The following SLC52A3 variants were observed in gnomAD, a reference collection of about 807,000 sequenced individuals.
The protein encoded by SLC52A3 is solute carrier family 52 member 3, also known as solute carrier family 52, riboflavin transporter, member 3.
Under a neutral mutation model 29.5 loss-of-function variants are expected in SLC52A3, and 20 were observed. That is an observed-to-expected ratio of 0.68 (90% confidence interval 0.48 to 0.99). The LOEUF (loss-of-function observed/expected upper bound fraction) is 0.99, where lower values mean the gene tolerates loss of function less well. Ranked by LOEUF, SLC52A3 falls within the 50% of genes least tolerant of loss-of-function variation. The pLI is 0.00. For synonymous variants in SLC52A3, 301 were observed against 271.0 expected (o/e 1.11, Z -1.09); for missense variants, 548 against 612.9 (o/e 0.89, Z 1.12).
rs1050160028 is a variant in SLC52A3 at position 765,469 on chromosome 20, G to A, written c.306C>T (p.Gly102=). The A allele has an allele frequency of 1.2e-6, 2 of 1,604,678 alleles. No individual in the cohort carries two copies. The highest frequency in any genetic ancestry group is 1.7e-6 in the Non-Finnish European group (2 of 1,175,584). The change falls in exon 2 of 5, where the codon GGC becomes GGT. Residue 102 remains glycine, a synonymous_variant. Coordinates refer to ENST00000645534, the MANE Select transcript of SLC52A3 (RefSeq NM_033409.4). The surrounding 1 kb of genome is among the most constrained non-coding windows in gnomAD (Gnocchi z 6.6). ...GGACCAAGAAGGCGATGCTGTGGTG[G>A]CCGTCCAGCACCCAGGAGGTCATAT... is the stretch of plus-strand genomic sequence containing the variant. The part of the protein sequence containing the change: ...LWNMTSWVLD[G]HHSIAFLVLT...
intron 1 of SLC52A3, among the ~76,000 whole-genome samples, chr20:775,519 A>C (rs1260638886): frequency 1.3e-5 from 2 of 152,004 alleles, no homozygotes; most frequent in African/African-American, 2.4e-5. Flanking sequence ...AGCTCAAGCG[A>C]TTCACCTGCC....
At chr20:771,918 C>T (rs1986852501), upstream of SLC52A3, among the ~76,000 whole-genome samples, 1 of 152,126 alleles carries the variant, frequency 6.6e-6, no homozygotes, top group Admixed American at 6.6e-5. Flanking sequence ...ACTCACCCTT[C>T]CAGGTCAAGA....
chr20:761,356 GCCTT>G, intron 4 of SLC52A3, 118 bp from the exon 5 acceptor site: 1 of 1,185,400 alleles, frequency 8.4e-7, no homozygotes, highest in Non-Finnish European at 1.2e-6. Context: ...TGCGAGGAGC[GCCTT>G]CTGGGAGTGA....
At position 765,290 on chromosome 20, in the gene SLC52A3, C is replaced by T; in HGVS notation, c.485G>A (p.Gly162Asp). The T allele has an allele frequency of 2.5e-6, 4 of 1,614,142 alleles. No individual in the cohort carries two copies. The highest frequency in any genetic ancestry group is 3.4e-6 in the Non-Finnish European group (4 of 1,180,036). ...AGTGACATTGACGCAGGTAGTGAGA[C>T]CGGAGCCCTGGGCAAGAGCCACCAG... is the stretch of plus-strand genomic sequence containing the variant. Reference protein sequence around the residue: ...PALVALAQGSGLTTCVNVTEI... With the variant: ...PALVALAQGSDLTTCVNVTEI... Residue 162 changes from glycine (G) to aspartate (D), a missense_variant, in exon 2 of 5, where the codon GGT becomes GAT. By Grantham distance (94) the Gly-to-Asp change is moderately conservative. This residue lies in a region of SLC52A3 where 375 missense variants were observed against 471.1 expected (regional missense o/e 0.80). Transcript: ENST00000645534. The surrounding 1 kb of genome is among the most constrained non-coding windows in gnomAD (Gnocchi z 6.6).
chr20:760,753 G>A lies in SLC52A3; in HGVS notation c.*273C>T. 4 of 523,710 alleles carry A rather than the reference G, an allele frequency of 7.6e-6. No individual in the cohort carries two copies. The highest frequency in any genetic ancestry group is 3.1e-5 in the East Asian group (1 of 32,566). The allele number at this position is 523,710 out of a possible 1,614,324, so 32.4% of individuals were successfully genotyped here. A position where few individuals can be genotyped will look rare whatever the true frequency, so the allele number is the denominator to read the frequency against. ...TTTCCCTTCTAACACCCTTGGGCCT[G>A]CCTCCAGCTAGATGCTGCAAATCAG... On this transcript the variant is annotated 3_prime_UTR_variant, in exon 5 of 5. Coordinates refer to ENST00000645534, the MANE Select transcript of SLC52A3 (RefSeq NM_033409.4). The surrounding 1 kb of genome is among the most constrained non-coding windows in gnomAD (Gnocchi z 4.9).
In SLC52A3 at chr20:761,445, C is replaced by A. The variant is rs555040609; in HGVS notation, c.1198-207G>T. On this transcript the variant is annotated intron_variant, in intron 4 of 4. Coordinates refer to ENST00000645534, the MANE Select transcript of SLC52A3 (RefSeq NM_033409.4). ...GAATCCAGTGGCTTTTCTGGGTTCACGTGCCCATGATCAGGGCAAGGGCCC... is the reference window on the plus strand; with the variant it reads ...GAATCCAGTGGCTTTTCTGGGTTCAAGTGCCCATGATCAGGGCAAGGGCCC... 11 of 748,394 alleles carry A rather than the reference C, an allele frequency of 1.5e-5. No individual in the cohort carries two copies. The South Asian group carries it at 1.9e-4, about 13-fold the overall frequency. The allele number at this position is 748,394 out of a possible 1,614,324, so 46.4% of individuals were successfully genotyped here.
upstream of SLC52A3, among the ~76,000 whole-genome samples, chr20:769,241 C>A (rs985796101): frequency 6.6e-6 from 1 of 152,190 alleles, no homozygotes; most frequent in African/African-American, 2.4e-5. Flanking sequence ...GAGGGGATGG[C>A]AAGCAACCTT....
upstream of SLC52A3, among the ~76,000 whole-genome samples, chr20:772,655 CATTTTAACCAGT>C (rs1429928708): frequency 1.3e-5 from 2 of 148,752 alleles, no homozygotes; most frequent in African/African-American, 2.5e-5. Flanking sequence ...CTTATTTATT[CATTTTAACCAGT>C]ATTTCTTGGG....
At chr20:779,349 C>T (rs1021099518), upstream of SLC52A3, among the ~76,000 whole-genome samples, 2 of 152,282 alleles carry the variant, frequency 1.3e-5, no homozygotes, top group South Asian at 2.1e-4. Flanking sequence ...GGGCCGGGCA[C>T]GGTGGCTCAC....
chr20:762,412 T>C (rs936762044), intron 3 of SLC52A3, among the ~76,000 whole-genome samples: 6 of 152,226 alleles, frequency 3.9e-5, no homozygotes, highest in Non-Finnish European at 7.3e-5. Context: ...GGCTTGTTGC[T>C]GCTAGGAGCA....
chr20:764,951 C>A (rs901457840), intron 2 of SLC52A3, among the ~76,000 whole-genome samples: 7 of 152,206 alleles, frequency 4.6e-5, no homozygotes, highest in Non-Finnish European at 1.0e-4. Flanking sequence ...AGCCTCAAGC[C>A]CCTATTCCCT....
At chr20:774,852 T>G (rs577514862) in intron 1 of SLC52A3, among the ~76,000 whole-genome samples, 2 of 152,332 alleles carry the variant, frequency 1.3e-5, no homozygotes, top group East Asian at 3.9e-4. Context: ...GCCCCACCCC[T>G]GATCTCAGGC....
rs1986674417 is a variant in SLC52A3, at chr20:765,975, T to C, written c.-51-150A>G. 2 of 599,584 alleles carry C rather than the reference T, an allele frequency of 3.3e-6. No individual in the cohort carries two copies. Among genetic ancestry groups the C allele is most frequent in the Admixed American group, 2.9e-5 (1 of 33,950 alleles). 37.1% of individuals were successfully genotyped at this position (599,584 alleles called of 1,614,324 possible). ...CCTTTGAGACATAGTTTCACTCTTT[T>C]AGTCCAGGCTGGAGTGCAATGGGAT... is the stretch of plus-strand genomic sequence containing the variant. On this transcript the variant is annotated intron_variant, in intron 1 of 4. Transcript: ENST00000645534. The surrounding 1 kb of genome is among the most constrained non-coding windows in gnomAD (Gnocchi z 6.6).
At chr20:778,401 G>A (rs1036756483), upstream of SLC52A3, among the ~76,000 whole-genome samples, 2 of 152,014 alleles carry the variant, frequency 1.3e-5, no homozygotes, top group East Asian at 1.9e-4. Context: ...CTGTGTCTCC[G>A]CCAATCCCCC....
At chr20:766,446 A>C (rs1986688147) in intron 1 of SLC52A3, 1 of 153,078 alleles carries the variant, frequency 6.5e-6, no homozygotes, top group African/African-American at 2.4e-5. Context: ...CTCTGAGCCC[A>C]AGCCTGCGCG....
At chr20:776,857 G>A (rs1345462603), upstream of SLC52A3, among the ~76,000 whole-genome samples, 3 of 63,596 alleles carry the variant, frequency 4.7e-5, no homozygotes, top group Admixed American at 1.8e-4. Context: ...AATCGCTTTT[G>A]GGGGGGGGGC....
chr20:761,566 C>T (rs1433599220), intron 4 of SLC52A3, 135 bp downstream of exon 4: 2 of 1,359,936 alleles, frequency 1.5e-6, no homozygotes, highest in Non-Finnish European at 1.0e-6. Flanking sequence ...GGAAGGGGCG[C>T]TTCCCCCACC....
chr20:761,401 G>A (rs960863770), intron 4 of SLC52A3, 163 bp from the exon 5 acceptor site: 9 of 861,440 alleles, frequency 1.0e-5, no homozygotes, highest in South Asian at 1.8e-5. Context: ...CCATGAGTTG[G>A]CCGCCCGGGG....
chr20:763,906 A>C lies in SLC52A3; in HGVS notation c.665T>G (p.Val222Gly), dbSNP rs767383612. The stretch of plus-strand genomic sequence containing the variant: ...CATGATGGATAGGAGGAGGAAGAAG[A>C]CCAGGGGTGAGAAGTGGGCGGGAAG... ...RYLPAHFSPL[V>G]FFLLLSIMMA... The change falls in exon 3 of 5, where the codon GTC becomes GGC. Residue 222 changes from valine (V) to glycine (G), a missense_variant. By Grantham distance (109) the Val-to-Gly change is moderately radical. Coordinates refer to ENST00000645534, the MANE Select transcript of SLC52A3 (RefSeq NM_033409.4). The C allele has an allele frequency of 6.2e-7, 1 of 1,614,092 alleles. No homozygotes were observed. The highest frequency in any genetic ancestry group is 8.5e-7 in the Non-Finnish European group (1 of 1,179,986).
Sources: allele counts gnomAD v4.1 joint callset (sites outside exome capture counted in the v4.1 genomes callset), GRCh38; gene constraint gnomAD v4.1.1; regional missense constraint gnomAD v4.1.1; non-coding constraint Gnocchi (gnomAD v3.1); transcripts MANE v1.5; gene names NCBI Gene and HGNC (gene_info 2026-07-23, HGNC 2026-07-21).